The following SNX29 variants were observed in gnomAD, a reference collection of about 807,000 sequenced individuals.
SNX29 encodes sorting nexin-29.
A neutral mutation model predicts 102.1 loss-of-function variants in SNX29; 78 were observed. The ratio of observed to expected loss-of-function variants is 0.76; its 90% confidence interval spans 0.64 to 0.92. The LOEUF (loss-of-function observed/expected upper bound fraction) is 0.92. Ranked by LOEUF, SNX29 falls within the 40% of genes least tolerant of loss-of-function variation. SNX29 has a pLI of 0.00. For synonymous variants in SNX29, 580 were observed against 414.5 expected, an observed-to-expected ratio of 1.40 and a Z score of -4.85; for missense variants, 1,280 against 1,061.7, an observed-to-expected ratio of 1.21 and a Z score of -2.86.
intron 16 of SNX29, among the ~76,000 whole-genome samples, chr16:12,395,455 G>T: frequency 6.6e-6 from 1 of 152,236 alleles, no homozygotes; most frequent in East Asian, 1.9e-4. Context: ...AGCACCGAGG[G>T]TGTTTGCTCC....
chr16:12,005,989 T>C (rs2056438439), intron 3 of SNX29, among the ~76,000 whole-genome samples: 1 of 152,140 alleles, frequency 6.6e-6, no homozygotes, highest in African/African-American at 2.4e-5. Flanking sequence ...ATTTAAAAAG[T>C]TAATTCTTTC....
At position 12,563,867 on chromosome 16, in the gene SNX29, C is replaced by T. The variant is rs1414685941; in HGVS notation, c.2319-4639C>T. ...ATCCCTGCTGAATAGCCATCTCTCC[C>T]CATCTCTAGCCCCTTGGGCCTCTGC... On this transcript the variant is annotated intron_variant, in intron 20 of 20. Coordinates refer to ENST00000566228, the MANE Select transcript of SNX29 (RefSeq NM_032167.5). Among the ~76,000 whole-genome samples, 12 of 152,240 alleles carry T rather than the reference C, an allele frequency of 7.9e-5. 1 individual carries two copies. The highest frequency in any genetic ancestry group is 1.8e-4 in the Non-Finnish European group (12 of 68,048).
chr16:12,296,453 T>G (rs1025234566), intron 15 of SNX29, among the ~76,000 whole-genome samples: 3 of 152,250 alleles, frequency 2.0e-5, no homozygotes, highest in Non-Finnish European at 4.4e-5. Context: ...GCACTTCACA[T>G]GTCTTGATCA....
intron 20 of SNX29, among the ~76,000 whole-genome samples, chr16:12,543,584 G>A (rs376879103): frequency 7.9e-5 from 12 of 152,294 alleles, no homozygotes; most frequent in Non-Finnish European, 1.8e-4. Context: ...TCCGTGGTGC[G>A]TCCCAGTTCA....
chr16:12,538,640 T>C (rs925514374), intron 20 of SNX29, among the ~76,000 whole-genome samples: 1 of 152,144 alleles, frequency 6.6e-6, no homozygotes, highest in African/African-American at 2.4e-5. Context: ...ATGGAAAAAC[T>C]GGGCTGTGAA....
intron 18 of SNX29, among the ~76,000 whole-genome samples, chr16:12,415,114 G>A (rs1452772353): frequency 1.3e-5 from 2 of 152,228 alleles, no homozygotes; most frequent in Non-Finnish European, 2.9e-5. Context: ...TCCCAGGGAG[G>A]CAAGGCTCCA....
intron 14 of SNX29, among the ~76,000 whole-genome samples, chr16:12,250,308 T>G (rs944428915): frequency 6.6e-6 from 1 of 152,150 alleles, no homozygotes. Context: ...AGTGGTCCTT[T>G]TGCAATTTTC....
intron 11 of SNX29, among the ~76,000 whole-genome samples, chr16:12,126,384 G>C (rs1188265993): frequency 1.3e-5 from 2 of 152,250 alleles, no homozygotes; most frequent in Admixed American, 6.5e-5. Context: ...GGTGCTCAGA[G>C]GGGGTTGCTA....
intron 13 of SNX29, among the ~76,000 whole-genome samples, chr16:12,154,709 G>C (rs895482208): frequency 1.3e-5 from 2 of 152,198 alleles, no homozygotes; most frequent in African/African-American, 4.8e-5. Flanking sequence ...GGTTGTGGAG[G>C]CTGGAAGTCC....
In SNX29 at chr16:12,568,937, G is replaced by C. The variant is rs894790099; in HGVS notation, c.*308G>C. 3.2e-5 allele frequency: 13 copies of C among 406,548 alleles called. No homozygotes were observed. Among genetic ancestry groups the C allele is most frequent in the Non-Finnish European group, 5.7e-5 (13 of 227,362 alleles). The allele number at this position is 406,548 out of a possible 1,614,324, so 25.2% of individuals were successfully genotyped here. Reference sequence around the variant, plus strand: ...CCTTTCTGTAGTTCAGGGCTGGCAGGAGGGTGGGCACCAGGTCAGGCTGGG... The same window carrying C: ...CCTTTCTGTAGTTCAGGGCTGGCAGCAGGGTGGGCACCAGGTCAGGCTGGG... On this transcript the variant is annotated 3_prime_UTR_variant, in exon 21 of 21. Transcript: ENST00000566228.
At chr16:12,562,248 A>G (rs1295297626) in intron 20 of SNX29, among the ~76,000 whole-genome samples, 1 of 152,168 alleles carries the variant, frequency 6.6e-6, no homozygotes, top group Non-Finnish European at 1.5e-5. Context: ...GGGCGAGGGC[A>G]TTCACTAAGC....
At chr16:12,005,431 A>G (rs1471862605) in intron 3 of SNX29, among the ~76,000 whole-genome samples, 3 of 152,142 alleles carry the variant, frequency 2.0e-5, no homozygotes, top group Non-Finnish European at 2.9e-5. Flanking sequence ...TTGCATTTCA[A>G]CAGGACTCCC....
Position 12,572,791 on chromosome 16 carries a change from TC to T in SNX29, c.*4166del. On this transcript the variant is annotated 3_prime_UTR_variant, in exon 21 of 21. Transcript: ENST00000566228. ...AGGAAGACCCCACCTCACTCCTCCT[TC>T]CCCAGTACATCAGACTGGTTAGGAG... is the stretch of plus-strand genomic sequence containing the variant. The T allele has an allele frequency of 9.4e-7, 1 of 1,063,408 alleles. No homozygotes were observed. The allele number at this position is 1,063,408 out of a possible 1,614,324, so 65.9% of individuals were successfully genotyped here.
chr16:12,398,318 G>A (rs1362484149), intron 16 of SNX29, 128 bp from the exon 17 acceptor site: 2 of 1,017,502 alleles, frequency 2.0e-6, no homozygotes, highest in East Asian at 2.4e-5. Flanking sequence ...TCCAGTGACT[G>A]CTTTTTCACT....
At chr16:12,400,910 C>T (rs914495458) in intron 17 of SNX29, among the ~76,000 whole-genome samples, 2 of 152,194 alleles carry the variant, frequency 1.3e-5, no homozygotes, top group Non-Finnish European at 2.9e-5. Flanking sequence ...GCAAGCTCCG[C>T]CTCCTGGGTT....
chr16:12,045,456 G>A (rs1422878571), intron 5 of SNX29, among the ~76,000 whole-genome samples: 1 of 151,984 alleles, frequency 6.6e-6, no homozygotes, highest in East Asian at 1.9e-4. Flanking sequence ...AGCCCTGGCT[G>A]GACCATTTAT....
chr16:12,240,191 AT>A (rs2078059762), intron 14 of SNX29, among the ~76,000 whole-genome samples: 1 of 152,138 alleles, frequency 6.6e-6, no homozygotes, highest in African/African-American at 2.4e-5. Context: ...TTATATCCAC[AT>A]TTTAGTGTAG....
intron 18 of SNX29, among the ~76,000 whole-genome samples, chr16:12,447,846 C>G (rs967888757): frequency 3.3e-5 from 5 of 152,196 alleles, no homozygotes; most frequent in African/African-American, 4.8e-5. Context: ...TGTACCCTGC[C>G]CCTCTCAACA....
At chr16:12,154,121 C>G (rs1363791650) in intron 13 of SNX29, among the ~76,000 whole-genome samples, 1 of 152,130 alleles carries the variant, frequency 6.6e-6, no homozygotes, top group Non-Finnish European at 1.5e-5. Context: ...CCCTACCTTC[C>G]TTCTCTTTCC....
Sources: allele counts gnomAD v4.1 joint callset (sites outside exome capture counted in the v4.1 genomes callset), GRCh38; gene constraint gnomAD v4.1.1; transcripts MANE v1.5; gene names NCBI Gene and HGNC (gene_info 2026-07-23, HGNC 2026-07-21).